The following SLC24A2 variants were observed in gnomAD, a reference collection of about 807,000 sequenced individuals.
The protein encoded by SLC24A2 is sodium/potassium/calcium exchanger 2.
SLC24A2 carries 36 observed loss-of-function variants against 62.0 expected under a neutral mutation model. That is an observed-to-expected ratio of 0.58 (90% CI 0.44 to 0.77). The LOEUF (loss-of-function observed/expected upper bound fraction) is 0.77, where lower values mean the gene tolerates loss of function less well. Among genes scored for constraint, SLC24A2 ranks in the 30% least tolerant of loss-of-function variants. SLC24A2 has a pLI of 0.00. For synonymous variants in SLC24A2, 358 were observed against 294.0 expected (o/e 1.22, Z -2.23); for missense variants, 846 against 817.9 (o/e 1.03, Z -0.42).
chr9:20,085,122 A>C, the SLC24A2 span, among the ~76,000 whole-genome samples: 2 of 152,186 alleles, frequency 1.3e-5, no homozygotes, highest in African/African-American at 4.8e-5. Flanking sequence ...CAGCCTCCAG[A>C]GTAGCTGGGA....
chr9:19,931,800 T>C, the SLC24A2 span, among the ~76,000 whole-genome samples: 1 of 152,210 alleles, frequency 6.6e-6, no homozygotes, highest in Admixed American at 6.5e-5. Flanking sequence ...TTATGTTCTT[T>C]AAACTCTCAC....
the SLC24A2 span, among the ~76,000 whole-genome samples, chr9:20,098,616 C>G: frequency 6.6e-6 from 1 of 152,168 alleles, no homozygotes; most frequent in African/African-American, 2.4e-5. Context: ...CCCAAAGATA[C>G]TAACTGGCCA....
chr9:19,659,347 A>G (rs1251897938), intron 2 of SLC24A2, among the ~76,000 whole-genome samples: 1 of 152,210 alleles, frequency 6.6e-6, no homozygotes, highest in Non-Finnish European at 1.5e-5. Context: ...CAGAACTGTA[A>G]GAAAATAAAT....
chr9:20,100,193 T>A, the SLC24A2 span, among the ~76,000 whole-genome samples: 1 of 151,764 alleles, frequency 6.6e-6, no homozygotes, highest in Non-Finnish European at 1.5e-5. Flanking sequence ...TGTGTGTGTG[T>A]GTTTTTGTTT....
the SLC24A2 span, among the ~76,000 whole-genome samples, chr9:19,811,409 C>T: frequency 1.3e-5 from 2 of 152,134 alleles, no homozygotes; most frequent in Non-Finnish European, 2.9e-5. Flanking sequence ...CTTAAATTTG[C>T]AATGGGTTCA....
chr9:19,788,811 G>T, intron 1 of SLC24A2, 74 bp downstream of exon 1: 3 of 985,430 alleles, frequency 3.0e-6, no homozygotes, highest in Non-Finnish European at 3.6e-6. Context: ...GCAACGGGAT[G>T]CGCGCAACCG....
At chr9:20,302,117 G>A in the SLC24A2 span, among the ~76,000 whole-genome samples, 1 of 152,032 alleles carries the variant, frequency 6.6e-6, no homozygotes, top group East Asian at 1.9e-4. Context: ...ACATACCACC[G>A]TTTATTTATC....
chr9:20,038,398 A>G, the SLC24A2 span, among the ~76,000 whole-genome samples: 2 of 152,220 alleles, frequency 1.3e-5, no homozygotes, highest in South Asian at 4.1e-4. Context: ...ATACCCCAGT[A>G]AGGACCTTGA....
At chr9:20,072,861 C>G in the SLC24A2 span, among the ~76,000 whole-genome samples, 1 of 152,056 alleles carries the variant, frequency 6.6e-6, no homozygotes, top group Non-Finnish European at 1.5e-5. Context: ...ATACATTAAC[C>G]TTAACCCGCT....
intron 2 of SLC24A2, among the ~76,000 whole-genome samples, chr9:19,742,383 C>T (rs1467503942): frequency 6.6e-6 from 1 of 152,128 alleles, no homozygotes; most frequent in Non-Finnish European, 1.5e-5. Context: ...TTCTCAGTTG[C>T]CCATCCTTTC....
chr9:19,897,490 A>G, the SLC24A2 span, among the ~76,000 whole-genome samples: 1,362 of 152,296 alleles, frequency 8.9e-3, 15 homozygotes, highest in African/African-American at 0.029. Context: ...GTATATGTCA[A>G]TATATTTAAA....
chr9:19,936,316 C>G, the SLC24A2 span, among the ~76,000 whole-genome samples: 7 of 152,164 alleles, frequency 4.6e-5, no homozygotes, highest in African/African-American at 1.4e-4. Context: ...CTTCTGTTCC[C>G]AGGCTGGAGT....
chr9:20,251,079 A>G, the SLC24A2 span, among the ~76,000 whole-genome samples: 1 of 152,224 alleles, frequency 6.6e-6, no homozygotes, highest in South Asian at 2.1e-4. Context: ...CCCATAGAGA[A>G]GAAGGCAGTG....
chr9:19,740,927 C>T (rs931204288), intron 2 of SLC24A2, among the ~76,000 whole-genome samples: 1 of 151,440 alleles, frequency 6.6e-6, no homozygotes, highest in Non-Finnish European at 1.5e-5. Context: ...ACAGCCTCAT[C>T]ATGGTTTTTA....
At chr9:20,260,291 G>C in the SLC24A2 span, among the ~76,000 whole-genome samples, 1 of 152,152 alleles carries the variant, frequency 6.6e-6, no homozygotes, top group Admixed American at 6.5e-5. Context: ...GGACTTCAAA[G>C]ACTCTAGAAC....
At chr9:19,801,438 T>C in the SLC24A2 span, among the ~76,000 whole-genome samples, 1 of 152,182 alleles carries the variant, frequency 6.6e-6, no homozygotes, top group East Asian at 1.9e-4. Context: ...ACAGCAGTGG[T>C]GGACGGTGAG....
At chr9:20,286,595 T>A in the SLC24A2 span, among the ~76,000 whole-genome samples, 1 of 152,224 alleles carries the variant, frequency 6.6e-6, no homozygotes, top group Non-Finnish European at 1.5e-5. Context: ...GGCTGAGATC[T>A]GTCATTTTAG....
In SLC24A2 at chr9:19,694,268, G is replaced by C. The variant is rs1483849945; in HGVS notation, c.931-71969C>G. Among the ~76,000 whole-genome samples the C allele has an allele frequency of 2.0e-5, 3 of 152,054 alleles. No homozygotes were observed. The East Asian group carries it at 5.8e-4, about 29-fold the overall frequency. ...AATTGGCTCAATCACTTCCCACTCA[G>C]TTTAAACGCTTTAATAAAAGGTATT... is the stretch of plus-strand genomic sequence containing the variant. On this transcript the variant is annotated intron_variant, in intron 2 of 10. Coordinates refer to ENST00000341998, the MANE Select transcript of SLC24A2 (RefSeq NM_020344.4).
chr9:19,689,217 C>G (rs1162969598), intron 2 of SLC24A2, among the ~76,000 whole-genome samples: 2 of 152,064 alleles, frequency 1.3e-5, no homozygotes, highest in African/African-American at 4.8e-5. Context: ...GGCTCCTTAG[C>G]CAGTGCGCTT....
Sources: allele counts gnomAD v4.1 joint callset (sites outside exome capture counted in the v4.1 genomes callset), GRCh38; gene constraint gnomAD v4.1.1; transcripts MANE v1.5; gene names NCBI Gene and HGNC (gene_info 2026-07-23, HGNC 2026-07-21).